FAM3B: variants seen among roughly 807,000 people sequenced by gnomAD.
The protein encoded by FAM3B is FAM3 metabolism regulating signaling molecule B, also known as protein FAM3B.
In FAM3B, 29 loss-of-function variants were observed where a neutral mutation model predicts 28.4. That is an observed-to-expected ratio of 1.02 (90% confidence interval 0.76 to 1.39). The LOEUF is 1.39. Ranked by LOEUF, FAM3B falls within the 40% of genes most tolerant of loss-of-function variation. The probability of loss-of-function intolerance (pLI) is 0.00; values close to 1 mark genes in which losing one functional copy is unlikely to be tolerated. For missense variants in FAM3B, 266 were observed against 293.9 expected (o/e 0.91, Z 0.69); for synonymous variants, 91 against 103.0 (o/e 0.88, Z 0.71).
At position 41,323,036 on chromosome 21, in the gene FAM3B, C is replaced by G. The variant is rs528828387; in HGVS notation, c.133C>G (p.Arg45Gly). The change falls in exon 2 of 8, where the codon CGC becomes GGC. Residue 45 changes from arginine to glycine, a missense_variant. Arg to Gly is a moderately radical substitution (Grantham distance 125). Coordinates refer to ENST00000357985, the MANE Select transcript of FAM3B (RefSeq NM_058186.4). ...APLSSAAYSIRSIGERPVLKA... is the reference protein window; with the variant it reads ...APLSSAAYSIGSIGERPVLKA... The stretch of plus-strand genomic sequence containing the variant: ...CCTGTCCAGTGCTGCCTATAGCATC[C>G]GCAGCATCGGGGAGAGGCCTGTCCT... 3.4e-5 allele frequency: 54 copies of G among 1,607,600 alleles called. No homozygotes were observed. The highest frequency in any genetic ancestry group is 4.4e-5 in the Non-Finnish European group (52 of 1,179,992).
chr21:41,352,621 C>T (rs1465751831), intron 7 of FAM3B, among the ~76,000 whole-genome samples: 7 of 151,934 alleles, frequency 4.6e-5, no homozygotes, highest in Admixed American at 6.6e-5. Flanking sequence ...GGTGAAATCC[C>T]GTCTCTACTA....
At chr21:41,304,262 C>A (rs1320930831) in exon 1 of FAM3B, 1 of 456,142 alleles carries the variant, frequency 2.2e-6, no homozygotes, top group Admixed American at 2.3e-5. Context: ...GGCTGGGGCA[C>A]CCTGGCGCCA....
chr21:41,346,580 G>C (rs2089062661), intron 5 of FAM3B, among the ~76,000 whole-genome samples: 1 of 152,028 alleles, frequency 6.6e-6, no homozygotes, highest in Admixed American at 6.5e-5. Flanking sequence ...GTGTGGGTGT[G>C]GGTGTGGCCC....
intron 1 of FAM3B, among the ~76,000 whole-genome samples, chr21:41,309,216 T>A (rs1456845585): frequency 6.6e-6 from 1 of 152,222 alleles, no homozygotes; most frequent in Admixed American, 6.5e-5. Context: ...TAAACTGTAG[T>A]ACTGATTTAT....
chr21:41,318,611 T>C (rs2088772132), intron 1 of FAM3B, among the ~76,000 whole-genome samples: 1 of 152,170 alleles, frequency 6.6e-6, no homozygotes, highest in Non-Finnish European at 1.5e-5. Flanking sequence ...ATACTGACCA[T>C]CCACCCTCAT....
chr21:41,343,446 C>T (rs968940159), intron 3 of FAM3B, among the ~76,000 whole-genome samples: 18 of 152,160 alleles, frequency 1.2e-4, no homozygotes, highest in Admixed American at 5.9e-4. Flanking sequence ...TTAGATTAGC[C>T]GATTTTCTAT....
intron 2 of FAM3B, among the ~76,000 whole-genome samples, chr21:41,337,084 T>C (rs2088962401): frequency 6.6e-6 from 1 of 152,252 alleles, no homozygotes; most frequent in East Asian, 1.9e-4. Context: ...CTGGTTGTTT[T>C]GTAGGTCCTT....
intron 1 of FAM3B, among the ~76,000 whole-genome samples, chr21:41,305,954 T>C (rs1202143048): frequency 2.0e-5 from 3 of 152,246 alleles, no homozygotes; most frequent in Non-Finnish European, 4.4e-5. Flanking sequence ...GTGTAAATTC[T>C]TTCAAAATTG....
intron 7 of FAM3B, among the ~76,000 whole-genome samples, chr21:41,351,525 C>G (rs2089120399): frequency 6.6e-6 from 1 of 152,194 alleles, no homozygotes; most frequent in Non-Finnish European, 1.5e-5. Flanking sequence ...GGCTTCAAGA[C>G]AGGTCTTACC....
intron 1 of FAM3B, chr21:41,304,324 G>A (rs926063225): frequency 2.2e-6 from 1 of 456,008 alleles, no homozygotes; most frequent in Middle Eastern, 3.4e-4. Context: ...AGAGGACGCG[G>A]GGCTGGCGTG....
At chr21:41,324,971 A>G (rs1229162576) in intron 2 of FAM3B, among the ~76,000 whole-genome samples, 2 of 152,130 alleles carry the variant, frequency 1.3e-5, no homozygotes, top group African/African-American at 4.8e-5. Flanking sequence ...ACATGGTTGC[A>G]GGTGCCTGTA....
chr21:41,341,158 C>G (rs1489861730), intron 3 of FAM3B, among the ~76,000 whole-genome samples: 1 of 152,152 alleles, frequency 6.6e-6, no homozygotes, highest in Non-Finnish European at 1.5e-5. Context: ...AGAGATTACT[C>G]CATATCAGTA....
At chr21:41,314,136 G>A (rs774936363), upstream of FAM3B, among the ~76,000 whole-genome samples, 1 of 152,202 alleles carries the variant, frequency 6.6e-6, no homozygotes, top group Non-Finnish European at 1.5e-5. Flanking sequence ...CTCATAATAG[G>A]ATTAGTGCCC....
intron 7 of FAM3B, among the ~76,000 whole-genome samples, chr21:41,354,221 CAT>C (rs60863424): frequency 0.13 from 20,306 of 152,160 alleles, 2,987 homozygotes; most frequent in African/African-American, 0.37. Flanking sequence ...TTGTTGAAGA[CAT>C]GTGGCAATTC....
At chr21:41,343,301 C>T (rs1481300049) in intron 3 of FAM3B, among the ~76,000 whole-genome samples, 1 of 152,184 alleles carries the variant, frequency 6.6e-6, no homozygotes, top group Non-Finnish European at 1.5e-5. Context: ...GAAATTTAGT[C>T]TTCTCCCAGA....
chr21:41,310,308 A>G (rs901337168), intron 1 of FAM3B, among the ~76,000 whole-genome samples: 1 of 151,812 alleles, frequency 6.6e-6, no homozygotes, highest in African/African-American at 2.4e-5. Flanking sequence ...TTGGCCACAC[A>G]GGAGCCTGTG....
chr21:41,343,357 A>T (rs777327125), intron 3 of FAM3B, among the ~76,000 whole-genome samples: 17 of 152,218 alleles, frequency 1.1e-4, no homozygotes, highest in African/African-American at 4.1e-4. Flanking sequence ...TCTCTAACGT[A>T]TACAACCAGA....
chr21:41,308,186 G>A (rs947305369), intron 1 of FAM3B, among the ~76,000 whole-genome samples: 3 of 152,114 alleles, frequency 2.0e-5, no homozygotes, highest in Admixed American at 6.5e-5. Context: ...CATAACAACC[G>A]TAGTGACCAC....
Position 41,309,773 on chromosome 21 carries a change from G to A in FAM3B, n.99+5463G>A, listed in dbSNP as rs2088699883. Among the ~76,000 whole-genome samples, 3 of 152,342 alleles carry A rather than the reference G, an allele frequency of 2.0e-5. 1 individual carries two copies. ...GCATTGATCTGAATATTTGATGGCT[G>A]TCCTTCCTGAGGGCAATAGTCATGC... On this transcript the variant is annotated intron_variant and non_coding_transcript_variant, in intron 1 of 9. Coordinates refer to the FAM3B transcript ENST00000479810.
Sources: gnomAD v4.1 joint callset for allele counts (sites outside exome capture counted in the v4.1 genomes callset) on GRCh38, gnomAD v4.1.1 for gene constraint, MANE v1.5 for transcripts, NCBI Gene and HGNC (gene_info 2026-07-23, HGNC 2026-07-21) for gene names.